Variants in ITPR2 observed in about 807,000 individuals in gnomAD.
ITPR2 encodes inositol 1,4,5-trisphosphate receptor type 2.
Under a neutral mutation model 317.1 loss-of-function variants are expected in ITPR2, and 207 were observed. The observed-to-expected ratio is 0.65, with a 90% confidence interval of 0.58 to 0.73. The LOEUF (loss-of-function observed/expected upper bound fraction) is 0.73. Among genes scored for constraint, ITPR2 ranks in the 30% least tolerant of loss-of-function variants. The pLI is 0.00. For missense variants in ITPR2, 2,613 were observed against 3,284.0 expected, an observed-to-expected ratio of 0.80 and a Z score of 4.99; for synonymous variants, 1,156 against 1,149.1, an observed-to-expected ratio of 1.01 and a Z score of -0.12.
Position 26,419,134 on chromosome 12 carries a change from A to G in ITPR2, c.7025T>C (p.Leu2342Pro). 2 of 1,613,908 alleles carry G rather than the reference A, an allele frequency of 1.2e-6. No homozygotes were observed. The highest frequency in any genetic ancestry group is 1.7e-6 in the Non-Finnish European group (2 of 1,179,860). Residue 2342 changes from leucine to proline, a missense_variant, in exon 50 of 57, where the codon CTG becomes CCG. Leu to Pro is a moderately conservative substitution (Grantham distance 98). Transcript: ENST00000381340. ...CACGTGATAGAGAAAGGCCATATCC[A>G]GGATGACTGCTCGGTACCCACGGGT... The part of the protein sequence containing the change: ...TFTRGYRAVI[L>P]DMAFLYHVAY...
intron 55 of ITPR2, among the ~76,000 whole-genome samples, chr12:26,376,284 T>A (rs1313702133): frequency 6.6e-6 from 1 of 152,190 alleles, no homozygotes; most frequent in South Asian, 2.1e-4. Context: ...AGTCCACATA[T>A]GCACTTAGGC....
At chr12:26,621,915 AC>A (rs1946505809) in intron 25 of ITPR2, among the ~76,000 whole-genome samples, 2 of 152,214 alleles carry the variant, frequency 1.3e-5, no homozygotes, top group South Asian at 4.1e-4. Context: ...TGGTGCTCCT[AC>A]CCAAATTCAT....
intron 21 of ITPR2, among the ~76,000 whole-genome samples, chr12:26,653,235 A>G (rs1592000251): frequency 1.4e-5 from 2 of 142,908 alleles, no homozygotes; most frequent in African/African-American, 5.2e-5. Flanking sequence ...CTTTCCTTGA[A>G]TCTTTCTTTT....
Position 26,663,802 on chromosome 12 carries a change from T to C in ITPR2, c.1596A>G (p.Glu532=). 1 of 1,613,838 alleles carries C rather than the reference T, an allele frequency of 6.2e-7. No homozygotes were observed. The highest frequency in any genetic ancestry group is 1.3e-5 in the African/African-American group (1 of 75,054). Residue 532 remains glutamate, a synonymous_variant, in exon 15 of 57, where the codon GAA becomes GAG. Transcript: ENST00000381340. ...GATCTTCAAGTCTCAGCATCGAGCC[T>C]TCTCCTGCTTTCTCTTTAAAGGGTG... is the stretch of plus-strand genomic sequence containing the variant. ...LKAPFKEKAG[E]GSMLRLEDLG... is the part of the protein sequence containing the mutation.
intron 52 of ITPR2, among the ~76,000 whole-genome samples, chr12:26,403,210 G>A (rs1228084788): frequency 1.3e-5 from 2 of 152,096 alleles, no homozygotes; most frequent in African/African-American, 4.8e-5. Context: ...GGGTGTTTTG[G>A]GAAACTCAGG....
chr12:26,570,504 A>T (rs1426221637), intron 34 of ITPR2, among the ~76,000 whole-genome samples: 1 of 152,208 alleles, frequency 6.6e-6, no homozygotes, highest in Admixed American at 6.5e-5. Context: ...ATAGAGACTG[A>T]ATTTCTCTTC....
chr12:26,753,842 C>T (rs1949474111), intron 2 of ITPR2, among the ~76,000 whole-genome samples: 1 of 152,234 alleles, frequency 6.6e-6, no homozygotes, highest in South Asian at 2.1e-4. Context: ...TGCTGCAGGT[C>T]CCTGAAAAAA....
At chr12:26,411,765 T>C (rs1940558507) in intron 51 of ITPR2, among the ~76,000 whole-genome samples, 1 of 152,186 alleles carries the variant, frequency 6.6e-6, no homozygotes, top group Admixed American at 6.5e-5. Context: ...TTCCCCTCAG[T>C]GCAGTTGGCA....
intron 34 of ITPR2, among the ~76,000 whole-genome samples, chr12:26,574,470 A>G (rs1187025803): frequency 6.6e-6 from 1 of 152,184 alleles, no homozygotes; most frequent in African/African-American, 2.4e-5. Flanking sequence ...TCTGCTTTTC[A>G]CCTTCATCCT....
chr12:26,403,079 G>A (rs1007771017), intron 52 of ITPR2, among the ~76,000 whole-genome samples: 3 of 152,184 alleles, frequency 2.0e-5, no homozygotes, highest in African/African-American at 7.2e-5. Context: ...TATCCTGAAG[G>A]GGGTATCACC....
At chr12:26,707,985 A>G (rs1314764384) in intron 9 of ITPR2, among the ~76,000 whole-genome samples, 1 of 152,202 alleles carries the variant, frequency 6.6e-6, no homozygotes, top group Non-Finnish European at 1.5e-5. Context: ...TGGCAAACAA[A>G]TATATAAAAA....
intron 51 of ITPR2, among the ~76,000 whole-genome samples, chr12:26,412,206 C>T (rs1398351424): frequency 6.6e-6 from 1 of 152,124 alleles, no homozygotes; most frequent in African/African-American, 2.4e-5. Context: ...CATTTCCCAG[C>T]AATGCCACAC....
intron 49 of ITPR2, among the ~76,000 whole-genome samples, chr12:26,420,213 C>T (rs996093193): frequency 6.6e-6 from 1 of 152,246 alleles, no homozygotes; most frequent in African/African-American, 2.4e-5. Context: ...GTGTCTTAGT[C>T]ATCAAGGAAA....
chr12:26,692,370 T>C (rs1308910874), intron 10 of ITPR2, among the ~76,000 whole-genome samples: 3 of 152,178 alleles, frequency 2.0e-5, no homozygotes, highest in East Asian at 1.9e-4. Context: ...CAAAAGCCAT[T>C]GCACCACAAC....
intron 2 of ITPR2, among the ~76,000 whole-genome samples, chr12:26,743,474 AT>A (rs1219366712): frequency 6.6e-6 from 1 of 152,218 alleles, no homozygotes; most frequent in African/African-American, 2.4e-5. Flanking sequence ...TTAGAAAAAA[AT>A]ATTTTTTCCA....
At chr12:26,474,369 T>C (rs1465728259) in intron 45 of ITPR2, among the ~76,000 whole-genome samples, 1 of 152,226 alleles carries the variant, frequency 6.6e-6, no homozygotes, top group Non-Finnish European at 1.5e-5. Context: ...ACATTTAAAA[T>C]GTTTAACTTC....
intron 52 of ITPR2, among the ~76,000 whole-genome samples, chr12:26,410,912 C>A (rs929428973): frequency 6.6e-6 from 1 of 152,180 alleles, no homozygotes; most frequent in Admixed American, 6.5e-5. Context: ...ATTTGCATAA[C>A]TTGTCCAAGA....
intron 37 of ITPR2, among the ~76,000 whole-genome samples, chr12:26,517,476 T>G (rs1007963475): frequency 1.3e-5 from 2 of 151,970 alleles, no homozygotes; most frequent in Non-Finnish European, 2.9e-5. Context: ...ACTAGAGAAA[T>G]GTAAATCAAA....
At chr12:26,436,160 C>T in intron 48 of ITPR2, 61 bp downstream of exon 48, 1 of 1,410,430 alleles carries the variant, frequency 7.1e-7, no homozygotes, top group Non-Finnish European at 9.4e-7. Context: ...TATTTTGAAG[C>T]TTTAAATAGT....
Sources: gnomAD v4.1 joint callset for allele counts (sites outside exome capture counted in the v4.1 genomes callset) on GRCh38, gnomAD v4.1.1 for gene constraint, MANE v1.5 for transcripts, NCBI Gene and HGNC (gene_info 2026-07-23, HGNC 2026-07-21) for gene names.